ZNF667: variants seen among roughly 807,000 people sequenced by gnomAD.
ZNF667 encodes the protein zinc finger protein 667.
In ZNF667, 13 loss-of-function variants were observed where a neutral mutation model predicts 31.8. The ratio of observed to expected loss-of-function variants is 0.41; its 90% CI spans 0.27 to 0.65. The LOEUF is 0.65. Among genes scored for constraint, ZNF667 ranks in the 30% least tolerant of loss-of-function variants. ZNF667 has a pLI of 0.32. For synonymous variants in ZNF667, 228 were observed against 247.1 expected (o/e 0.92, Z 0.73); for missense variants, 642 against 725.6 (o/e 0.88, Z 1.32).
chr19:56,458,009 A>G lies in ZNF667; in HGVS notation c.253+146T>C, dbSNP rs1298670649. 4 of 716,254 alleles carry G rather than the reference A, an allele frequency of 5.6e-6. No homozygotes were observed. In the African/African-American group the frequency reaches 7.0e-5, roughly 13 times the overall value. The allele number at this position is 716,254 out of a possible 1,614,324, so 44.4% of individuals were successfully genotyped here. On this transcript the variant is annotated intron_variant, in intron 6 of 6. Coordinates refer to ENST00000504904, the MANE Select transcript of ZNF667 (RefSeq NM_001321356.2). ...GAAAGCAGTCCTCACCAGACACCGA[A>G]TCTGCTCATGCATTGATCTTGGACT...
intron 6 of ZNF667, among the ~76,000 whole-genome samples, chr19:56,446,096 T>C (rs2042703781): frequency 5.3e-5 from 8 of 152,266 alleles, no homozygotes; most frequent in Admixed American, 5.2e-4. Context: ...ATTTTTTCAG[T>C]ACATATGTGG....
intron 4 of ZNF667, among the ~76,000 whole-genome samples, chr19:56,461,586 G>A (rs1355647740): frequency 6.6e-6 from 1 of 152,196 alleles, no homozygotes; most frequent in Non-Finnish European, 1.5e-5. Flanking sequence ...ACCATGTTGT[G>A]CCTGGACGCC....
At chr19:56,458,012 T>C in intron 6 of ZNF667, 143 bp downstream of exon 6, 2 of 724,586 alleles carry the variant, frequency 2.8e-6, no homozygotes, top group Non-Finnish European at 4.7e-6. Context: ...ACACCGAATC[T>C]GCTCATGCAT....
At chr19:56,460,576 T>A (rs1264230986) in intron 5 of ZNF667, 113 bp downstream of exon 5, 1 of 1,222,846 alleles carries the variant, frequency 8.2e-7, no homozygotes, top group Non-Finnish European at 1.1e-6. Flanking sequence ...TATATCTCAA[T>A]AAAGCTCTTT....
intron 3 of ZNF667, among the ~76,000 whole-genome samples, chr19:56,465,942 T>C (rs1166050937): frequency 1.3e-5 from 2 of 152,222 alleles, no homozygotes; most frequent in Non-Finnish European, 2.9e-5. Flanking sequence ...ACGCCTTATG[T>C]TGAACCCCTG....
intron 6 of ZNF667, among the ~76,000 whole-genome samples, chr19:56,452,368 A>C (rs962384078): frequency 1.3e-5 from 2 of 152,146 alleles, no homozygotes; most frequent in African/African-American, 2.4e-5. Context: ...TTTCTTAATT[A>C]AAATTTAAAA....
chr19:56,470,933 T>C (rs1434702124), intron 3 of ZNF667, among the ~76,000 whole-genome samples: 1 of 152,152 alleles, frequency 6.6e-6, no homozygotes, highest in Non-Finnish European at 1.5e-5. Context: ...TGATTTATAG[T>C]GTTTACAACT....
intron 6 of ZNF667, among the ~76,000 whole-genome samples, chr19:56,457,830 A>T (rs1447966958): frequency 6.6e-6 from 1 of 152,202 alleles, no homozygotes; most frequent in Admixed American, 6.5e-5. Flanking sequence ...TAATGGTATT[A>T]GGAGGTGGGG....
At chr19:56,458,924 TG>T (rs1568447117) in intron 5 of ZNF667, among the ~76,000 whole-genome samples, 1 of 152,172 alleles carries the variant, frequency 6.6e-6, no homozygotes, top group Non-Finnish European at 1.5e-5. Flanking sequence ...GAGAGGGTCA[TG>T]GGAATCCGCT....
intron 3 of ZNF667, among the ~76,000 whole-genome samples, chr19:56,471,159 C>A (rs907219951): frequency 2.6e-5 from 4 of 151,902 alleles, no homozygotes; most frequent in South Asian, 2.1e-4. Flanking sequence ...GTAGCCCCAC[C>A]CCCCCTGCCT....
chr19:56,467,256 AC>A (rs953230591), intron 3 of ZNF667, among the ~76,000 whole-genome samples: 8 of 151,322 alleles, frequency 5.3e-5, no homozygotes, highest in Non-Finnish European at 8.8e-5. Context: ...AGTTATGGCC[AC>A]CCCCCCAAAG....
chr19:56,448,350 C>G (rs2042748394), intron 6 of ZNF667, among the ~76,000 whole-genome samples: 1 of 152,024 alleles, frequency 6.6e-6, no homozygotes, highest in Non-Finnish European at 1.5e-5. Context: ...AGCAAGTACC[C>G]CCACCACAGA....
chr19:56,447,456 C>T (rs778176229), intron 6 of ZNF667, among the ~76,000 whole-genome samples: 4 of 152,108 alleles, frequency 2.6e-5, no homozygotes, highest in Admixed American at 6.6e-5. Context: ...TCCACAAGGG[C>T]TCAAGAAACA....
intron 6 of ZNF667, among the ~76,000 whole-genome samples, chr19:56,455,239 C>T (rs1228202986): frequency 6.6e-6 from 1 of 152,244 alleles, no homozygotes; most frequent in East Asian, 1.9e-4. Flanking sequence ...ATTAGTACAG[C>T]CACTATTGAC....
In ZNF667 at chr19:56,442,707, A is replaced by T; in HGVS notation, c.288T>A (p.Pro96=). 1 of 1,602,572 alleles carries T rather than the reference A, an allele frequency of 6.2e-7. No homozygotes were observed. Among genetic ancestry groups the T allele is most frequent in the Non-Finnish European group, 8.5e-7 (1 of 1,176,252 alleles). Reference sequence around the variant, plus strand: ...GCCCAGATTTGTTGCATTGATTTGGAGGTAACTTCTTGGTCTCACATTTAG... The same window carrying T: ...GCCCAGATTTGTTGCATTGATTTGGTGGTAACTTCTTGGTCTCACATTTAG... ...SGSKCETKKL[P]PNQCNKSGQS... The change falls in exon 7 of 7, where the codon CCT becomes CCA. Residue 96 remains proline, a synonymous_variant. Coordinates refer to ENST00000504904, the MANE Select transcript of ZNF667 (RefSeq NM_001321356.2).
rs2042564109 is a variant in ZNF667, at chr19:56,439,700, G to A, written c.*1462C>T. On this transcript the variant is annotated 3_prime_UTR_variant, in exon 7 of 7. Coordinates refer to ENST00000504904, the MANE Select transcript of ZNF667 (RefSeq NM_001321356.2). ...GACGTAGTCTCGCTCTGTCGCCCAGGGTGGAGTACAGTGGCGTGATCCTGG... is the reference window on the plus strand; with the variant it reads ...GACGTAGTCTCGCTCTGTCGCCCAGAGTGGAGTACAGTGGCGTGATCCTGG... 1 of 152,416 alleles carries A rather than the reference G, an allele frequency of 6.6e-6. No individual in the cohort carries two copies. The highest frequency in any genetic ancestry group is 1.5e-5 in the Non-Finnish European group (1 of 68,206). 9.4% of individuals were successfully genotyped at this position (152,416 alleles called of 1,614,324 possible).
At chr19:56,462,869 C>T (rs1450541811) in intron 3 of ZNF667, among the ~76,000 whole-genome samples, 1 of 152,064 alleles carries the variant, frequency 6.6e-6, no homozygotes, top group Non-Finnish European at 1.5e-5. Flanking sequence ...AATAAACAGG[C>T]CAGGGCAGGG....
At chr19:56,455,852 C>T (rs2147751321) in intron 6 of ZNF667, among the ~76,000 whole-genome samples, 1 of 152,180 alleles carries the variant, frequency 6.6e-6, no homozygotes, top group African/African-American at 2.4e-5. Context: ...ACACTATATG[C>T]CTGTATTGAA....
chr19:56,457,654 G>A (rs951702875), intron 6 of ZNF667, among the ~76,000 whole-genome samples: 1 of 152,166 alleles, frequency 6.6e-6, no homozygotes, highest in Non-Finnish European at 1.5e-5. Flanking sequence ...TGAATTCTCT[G>A]TACAGGCCTG....
Sources: allele counts gnomAD v4.1 joint callset (sites outside exome capture counted in the v4.1 genomes callset), GRCh38; gene constraint gnomAD v4.1.1; transcripts MANE v1.5; gene names NCBI Gene and HGNC (gene_info 2026-07-23, HGNC 2026-07-21).